The following MARCHF5 variants were observed in gnomAD, a reference collection of about 807,000 sequenced individuals.
MARCHF5 encodes membrane associated ring-CH-type finger 5.
MARCHF5 carries 5 observed loss-of-function variants against 36.5 expected under a neutral mutation model. The observed-to-expected ratio is 0.14, with a 90% CI of 0.07 to 0.29. The LOEUF is 0.29. Among genes scored for constraint, MARCHF5 ranks in the 10% least tolerant of loss-of-function variants. MARCHF5 has a pLI of 1.00. For synonymous variants in MARCHF5, 103 were observed against 109.9 expected (o/e 0.94, Z 0.39); for missense variants, 179 against 336.3 (o/e 0.53, Z 3.66).
At chr10:92,341,780 C>CTTTTTTTTT (rs71025395) in intron 3 of MARCHF5, among the ~76,000 whole-genome samples, 4 of 77,392 alleles carry the variant, frequency 5.2e-5, no homozygotes, top group African/African-American at 9.3e-5. Context: ...AGTTTACATC[C>CTTTTTTTTT]TTTTTTTTTT....
intron 2 of MARCHF5, among the ~76,000 whole-genome samples, chr10:92,316,770 C>T (rs770855397): frequency 6.6e-6 from 1 of 151,854 alleles, no homozygotes; most frequent in Non-Finnish European, 1.5e-5. Flanking sequence ...CTATGTTGCC[C>T]AGTCTCAAAC....
At chr10:92,333,602 C>G (rs1843465901) in intron 2 of MARCHF5, 5 of 956,662 alleles carry the variant, frequency 5.2e-6, no homozygotes, top group Non-Finnish European at 6.2e-6. Flanking sequence ...ACATAAAGTA[C>G]TAACATTATG....
intron 2 of MARCHF5, among the ~76,000 whole-genome samples, chr10:92,338,615 T>A (rs1335107163): frequency 5.3e-5 from 8 of 152,328 alleles, no homozygotes; most frequent in Middle Eastern, 6.8e-3. Context: ...GACAGTCCTT[T>A]GACATCTCTT....
At chr10:92,312,961 C>G (rs1032089933) in intron 2 of MARCHF5, among the ~76,000 whole-genome samples, 2 of 152,188 alleles carry the variant, frequency 1.3e-5, no homozygotes, top group African/African-American at 4.8e-5. Flanking sequence ...CTTGGCTGGG[C>G]GTGGCGGCTC....
intron 1 of MARCHF5, among the ~76,000 whole-genome samples, chr10:92,308,315 G>T (rs1843101896): frequency 6.6e-6 from 1 of 152,124 alleles, no homozygotes; most frequent in South Asian, 2.1e-4. Flanking sequence ...TCATGGTGCT[G>T]GTGGGAGTGT....
At chr10:92,348,318 G>T (rs779670302) in intron 3 of MARCHF5, among the ~76,000 whole-genome samples, 3 of 151,764 alleles carry the variant, frequency 2.0e-5, no homozygotes, top group Admixed American at 6.6e-5. Context: ...ATGAAACCTC[G>T]TCTCTACTAA....
At chr10:92,325,320 G>A (rs1235622612) in intron 2 of MARCHF5, among the ~76,000 whole-genome samples, 1 of 152,304 alleles carries the variant, frequency 6.6e-6, no homozygotes, top group Admixed American at 6.5e-5. Flanking sequence ...TCCAGCCTGG[G>A]CAACAGAGTA....
intron 2 of MARCHF5, among the ~76,000 whole-genome samples, chr10:92,339,339 C>G (rs1432319987): frequency 1.3e-5 from 2 of 151,910 alleles, no homozygotes; most frequent in Non-Finnish European, 2.9e-5. Context: ...CATTGCACCC[C>G]AGACTGGGTG....
At chr10:92,309,849 A>G (rs1200779572) in intron 1 of MARCHF5, among the ~76,000 whole-genome samples, 1 of 152,184 alleles carries the variant, frequency 6.6e-6, no homozygotes, top group East Asian at 1.9e-4. Flanking sequence ...AAAAGAACAA[A>G]GTATTTTTGG....
intron 3 of MARCHF5, among the ~76,000 whole-genome samples, chr10:92,346,619 G>A (rs985333213): frequency 6.7e-6 from 1 of 149,276 alleles, no homozygotes; most frequent in Admixed American, 6.8e-5. Context: ...CTCCCGAGTA[G>A]TTGGGATTAC....
At chr10:92,300,321 A>G (rs961617401) in intron 1 of MARCHF5, among the ~76,000 whole-genome samples, 6 of 151,782 alleles carry the variant, frequency 4.0e-5, no homozygotes, top group Admixed American at 1.3e-4. Flanking sequence ...GTCTACTTAA[A>G]AAAAAAAAGA....
chr10:92,339,405 C>T (rs1843547646), intron 2 of MARCHF5, among the ~76,000 whole-genome samples: 1 of 151,796 alleles, frequency 6.6e-6, no homozygotes, highest in Admixed American at 6.6e-5. Flanking sequence ...TGCGGTGGCT[C>T]ACACCTGTAA....
intron 2 of MARCHF5, among the ~76,000 whole-genome samples, chr10:92,335,738 T>C (rs942163543): frequency 1.3e-5 from 2 of 152,138 alleles, no homozygotes; most frequent in Non-Finnish European, 2.9e-5. Flanking sequence ...AGGAAGAAAA[T>C]TGAGCTTGTT....
chr10:92,306,454 T>C (rs1322158050), intron 1 of MARCHF5, among the ~76,000 whole-genome samples: 1 of 152,126 alleles, frequency 6.6e-6, no homozygotes, highest in Non-Finnish European at 1.5e-5. Flanking sequence ...ATAGAAAGCA[T>C]GGGATACTAT....
intron 1 of MARCHF5, 71 bp downstream of exon 1, chr10:92,291,600 G>A (rs969749010): frequency 6.9e-7 from 1 of 1,456,326 alleles, no homozygotes; most frequent in Non-Finnish European, 9.0e-7. Context: ...CCGCCCTCGA[G>A]GCTCTTGGTG....
At chr10:92,300,093 T>A (rs954665846) in intron 1 of MARCHF5, among the ~76,000 whole-genome samples, 2 of 151,290 alleles carry the variant, frequency 1.3e-5, no homozygotes, top group African/African-American at 4.9e-5. Context: ...CCTGGGAGAT[T>A]GAGGCTGCAG....
chr10:92,349,700 G>C lies in MARCHF5; in HGVS notation c.583G>C (p.Ala195Pro). 2 of 1,613,960 alleles carry C rather than the reference G, an allele frequency of 1.2e-6. No individual in the cohort carries two copies. Among genetic ancestry groups the C allele is most frequent in the South Asian group, 1.1e-5 (1 of 91,046 alleles). ...AGGTTGTCCTGTTCCTCGAATTCCA[G>C]CTGAGGCCAATCCTTTAGCAGATCA... ...GIGCPVPRIPAEANPLADHVS... is the reference protein window; with the variant it reads ...GIGCPVPRIPPEANPLADHVS... The change falls in exon 5 of 6, where the codon GCT (alanine) becomes CCT (proline). Residue 195 changes from alanine to proline, a missense_variant. Around this residue, in one of 3 missense-constraint regions of MARCHF5, gnomAD observed 95 missense variants for 139.5 expected, o/e 0.68. Coordinates refer to ENST00000358935, the MANE Select transcript of MARCHF5 (RefSeq NM_017824.5).
intron 2 of MARCHF5, among the ~76,000 whole-genome samples, chr10:92,319,975 C>CTT (rs1352398121): frequency 6.3e-5 from 7 of 110,244 alleles, no homozygotes; most frequent in South Asian, 2.9e-4. Context: ...AATTTCTTTT[C>CTT]TTTTTTTTTT....
chr10:92,312,408 CA>C (rs1288333031), intron 2 of MARCHF5, among the ~76,000 whole-genome samples: 3 of 152,184 alleles, frequency 2.0e-5, no homozygotes, highest in Non-Finnish European at 4.4e-5. Context: ...GTAGTGTTTT[CA>C]AACATTTGGA....
Sources: gnomAD v4.1 joint callset for allele counts (sites outside exome capture counted in the v4.1 genomes callset) on GRCh38, gnomAD v4.1.1 for gene constraint, gnomAD v4.1.1 regional missense constraint, MANE v1.5 for transcripts, NCBI Gene and HGNC (gene_info 2026-07-23, HGNC 2026-07-21) for gene names.